IL17B: variants seen among roughly 807,000 people sequenced by gnomAD.
IL17B encodes the protein interleukin 17B.
IL17B carries 14 observed loss-of-function variants against 14.7 expected under a neutral mutation model. The observed-to-expected ratio is 0.95, with a 90% confidence interval of 0.63 to 1.49. IL17B has a LOEUF of 1.49. Among genes scored for constraint, IL17B ranks in the 40% most tolerant of loss-of-function variants. The pLI, the probability that IL17B is intolerant of heterozygous loss-of-function variation, is 0.00. For synonymous variants in IL17B, 105 were observed against 94.8 expected, an observed-to-expected ratio of 1.11 and a Z score of -0.62; for missense variants, 233 against 252.8, an observed-to-expected ratio of 0.92 and a Z score of 0.53.
intron 1 of IL17B, among the ~76,000 whole-genome samples, chr5:149,398,026 C>T (rs1161766951): frequency 1.3e-5 from 2 of 152,170 alleles, no homozygotes; most frequent in Admixed American, 1.3e-4. Context: ...TCTAGAAACA[C>T]CCTCACACAT....
At chr5:149,377,279 C>A (rs1758571502) in intron 1 of IL17B, among the ~76,000 whole-genome samples, 1 of 152,200 alleles carries the variant, frequency 6.6e-6, no homozygotes, top group Non-Finnish European at 1.5e-5. Flanking sequence ...ACAGCCTCTG[C>A]CTGCAGCATT....
At chr5:149,395,158 T>A (rs1247449301) in intron 1 of IL17B, among the ~76,000 whole-genome samples, 1 of 152,206 alleles carries the variant, frequency 6.6e-6, no homozygotes, top group Non-Finnish European at 1.5e-5. Flanking sequence ...GATAATGACC[T>A]CCAGCTTCCA....
intron 1 of IL17B, among the ~76,000 whole-genome samples, chr5:149,399,692 C>T (rs1398720440): frequency 6.6e-6 from 1 of 152,116 alleles, no homozygotes; most frequent in Non-Finnish European, 1.5e-5. Context: ...CTGTGGCTGT[C>T]ACCCTGTGAG....
At chr5:149,404,050 T>A (rs1039660507) in intron 1 of IL17B, 5 of 152,156 alleles carry the variant, frequency 3.3e-5, no homozygotes, top group African/African-American at 1.2e-4. Context: ...CTCACTCTCA[T>A]ACTCAGCTCC....
intron 1 of IL17B, among the ~76,000 whole-genome samples, chr5:149,385,815 C>G (rs1758815669): frequency 6.6e-6 from 1 of 152,230 alleles, no homozygotes; most frequent in East Asian, 1.9e-4. Flanking sequence ...ACCCTGCCCT[C>G]AGCAGAAGCA....
At chr5:149,384,923 T>TC (rs1462931162) in intron 1 of IL17B, among the ~76,000 whole-genome samples, 3 of 150,282 alleles carry the variant, frequency 2.0e-5, no homozygotes, top group South Asian at 2.1e-4. Context: ...TTTTTTTTTT[T>TC]TTTGAGATGG....
rs760004479 is a variant in IL17B, at chr5:149,374,384, G to A, written c.528C>T (p.Cys176=). Reference sequence around the variant, plus strand: ...GCCAGGTGATTCAGAAGATGCAGGTGCAGCCCACAGCGATGGTCTCCATGA... The same window carrying A: ...GCCAGGTGATTCAGAAGATGCAGGTACAGCCCACAGCGATGGTCTCCATGA... ...RAVMETIAVG[C]TCIF Residue 176 remains cysteine, a synonymous_variant, in exon 3 of 3, where the codon TGC becomes TGT. Transcript: ENST00000261796. This position sits in a 1 kb window ranked among gnomAD's most constrained non-coding sequence, Gnocchi z 5.0. 13 of 1,578,812 alleles carry A rather than the reference G, an allele frequency of 8.2e-6. No homozygotes were observed. In the South Asian group the frequency reaches 1.1e-4, roughly 14 times the overall value.
At chr5:149,387,669 G>A (rs531036792) in intron 1 of IL17B, among the ~76,000 whole-genome samples, 29 of 151,448 alleles carry the variant, frequency 1.9e-4, no homozygotes, top group Non-Finnish European at 3.4e-4. Flanking sequence ...AGCTACTCAG[G>A]AGGCTGAGAG....
At chr5:149,382,670 G>C (rs1197384629), upstream of IL17B, among the ~76,000 whole-genome samples, 1 of 152,230 alleles carries the variant, frequency 6.6e-6, no homozygotes, top group African/African-American at 2.4e-5. Flanking sequence ...AGTAAGGAGA[G>C]GGGCGGCAGC....
upstream of IL17B, among the ~76,000 whole-genome samples, chr5:149,379,576 A>C (rs1400330501): frequency 6.6e-6 from 1 of 152,232 alleles, no homozygotes; most frequent in Non-Finnish European, 1.5e-5. Flanking sequence ...AGGGCCAGCT[A>C]AGACAATCAG....
chr5:149,376,734 A>G lies in IL17B; in HGVS notation c.311+2T>C, dbSNP rs572445679. On this transcript the variant is annotated splice_donor_variant, in intron 2 of 2. Coordinates refer to ENST00000261796, the MANE Select transcript of IL17B (RefSeq NM_014443.3). LOFTEE classifies it high-confidence loss of function. ...ACAGCTTGCCACCACTGCCCAGCCTACCTGTAGCCCCAGGGAGACAGGCTC... is the reference window on the plus strand; with the variant it reads ...ACAGCTTGCCACCACTGCCCAGCCTGCCTGTAGCCCCAGGGAGACAGGCTC... The G allele has an allele frequency of 8.2e-5, 132 of 1,600,198 alleles. No homozygotes were observed. The highest frequency in any genetic ancestry group is 1.1e-4 in the Non-Finnish European group (129 of 1,172,904).
chr5:149,379,015 G>A (rs1382164898), intron 1 of IL17B, among the ~76,000 whole-genome samples, 190 bp downstream of exon 1: 1 of 152,198 alleles, frequency 6.6e-6, no homozygotes, highest in Non-Finnish European at 1.5e-5. Flanking sequence ...CCCCGTTCAG[G>A]AGCCTGCACT....
At chr5:149,398,099 C>T (rs139016019) in intron 1 of IL17B, among the ~76,000 whole-genome samples, 4 of 152,274 alleles carry the variant, frequency 2.6e-5, no homozygotes, top group Admixed American at 6.5e-5. Context: ...AAGTCGATAC[C>T]TAAAATTAAG....
chr5:149,394,120 C>T (rs1346500807), intron 1 of IL17B, among the ~76,000 whole-genome samples: 3 of 152,128 alleles, frequency 2.0e-5, no homozygotes, highest in South Asian at 2.1e-4. Context: ...GCAATAAAAA[C>T]GTACACATTT....
intron 1 of IL17B, among the ~76,000 whole-genome samples, chr5:149,399,701 A>G (rs932449411): frequency 2.6e-5 from 4 of 152,216 alleles, no homozygotes; most frequent in Non-Finnish European, 4.4e-5. Context: ...TCACCCTGTG[A>G]GTTAATAATA....
At chr5:149,379,378 G>T, upstream of IL17B, 1 of 851,596 alleles carries the variant, frequency 1.2e-6, no homozygotes. Context: ...TCAGCTGGGA[G>T]CCTTGGGCCC....
At chr5:149,391,442 C>G (rs1176490596) in intron 1 of IL17B, among the ~76,000 whole-genome samples, 1 of 152,216 alleles carries the variant, frequency 6.6e-6, no homozygotes, top group Non-Finnish European at 1.5e-5. Context: ...TCCTTTAACA[C>G]CAGGATAAAA....
At chr5:149,391,490 G>A (rs1758963534) in intron 1 of IL17B, among the ~76,000 whole-genome samples, 1 of 152,200 alleles carries the variant, frequency 6.6e-6, no homozygotes, top group African/African-American at 2.4e-5. Context: ...AGAGAATGCA[G>A]GGAATTCTTC....
intron 1 of IL17B, among the ~76,000 whole-genome samples, chr5:149,399,642 T>G (rs1404191404): frequency 6.6e-6 from 1 of 152,094 alleles, no homozygotes; most frequent in Non-Finnish European, 1.5e-5. Context: ...GTTGAGTGAA[T>G]TGTGGATGGT....
Sources: allele counts gnomAD v4.1 joint callset (sites outside exome capture counted in the v4.1 genomes callset), GRCh38; gene constraint gnomAD v4.1.1; non-coding constraint Gnocchi (gnomAD v3.1); transcripts MANE v1.5; gene names NCBI Gene and HGNC (gene_info 2026-07-23, HGNC 2026-07-21).